The following PHACTR1 variants were observed in gnomAD, a reference collection of about 807,000 sequenced individuals.
PHACTR1 encodes phosphatase and actin regulator 1.
Under a neutral mutation model 69.2 loss-of-function variants are expected in PHACTR1, and 16 were observed. The ratio of observed to expected loss-of-function variants is 0.23; its 90% CI spans 0.16 to 0.35. PHACTR1 has a LOEUF of 0.35. PHACTR1 is among the 10% of genes least tolerant of loss of function. The pLI, the probability that PHACTR1 is intolerant of heterozygous loss-of-function variation, is 1.00. For missense variants in PHACTR1, 510 were observed against 734.7 expected (o/e 0.69, Z 3.54); for synonymous variants, 312 against 284.5 (o/e 1.10, Z -0.97).
At chr6:12,862,659 C>T (rs1319520015) in intron 4 of PHACTR1, among the ~76,000 whole-genome samples, 5 of 152,080 alleles carry the variant, frequency 3.3e-5, no homozygotes, top group African/African-American at 9.7e-5. Flanking sequence ...GATCATGATG[C>T]ACCATGCTAT....
chr6:12,737,344 A>C (rs910842659), intron 3 of PHACTR1, among the ~76,000 whole-genome samples: 1 of 152,104 alleles, frequency 6.6e-6, no homozygotes, highest in African/African-American at 2.4e-5. Flanking sequence ...ATCATTGACC[A>C]AAATGCCATT....
intron 5 of PHACTR1, among the ~76,000 whole-genome samples, chr6:13,104,392 A>C (rs542825222): frequency 3.9e-5 from 6 of 152,346 alleles, no homozygotes; most frequent in African/African-American, 1.4e-4. Context: ...ACACATGGTG[A>C]CTGAACAGGA....
chr6:13,252,212 C>CAAA (rs537782699), intron 10 of PHACTR1, among the ~76,000 whole-genome samples: 10 of 73,750 alleles, frequency 1.4e-4, no homozygotes, highest in African/African-American at 5.0e-4. Flanking sequence ...CCTGCCTTTA[C>CAAA]AAAAAAAAAA....
chr6:13,229,293 C>T lies in PHACTR1; in HGVS notation c.1235-744C>T, dbSNP rs572917614. On this transcript the variant is annotated intron_variant, in intron 9 of 14. Coordinates refer to ENST00000332995, the MANE Select transcript of PHACTR1 (RefSeq NM_030948.6). ...TGCCAGTAGCACCCTCTGCCTGCCA[C>T]CTTAGTTTTGACAACCAAAAAATGC... Among the ~76,000 whole-genome samples, 4 of 152,272 alleles carry T rather than the reference C, an allele frequency of 2.6e-5. No homozygotes were observed. The East Asian group carries it at 5.8e-4, about 22-fold the overall frequency.
At chr6:13,142,016 G>A (rs1455569855) in intron 5 of PHACTR1, among the ~76,000 whole-genome samples, 4 of 152,056 alleles carry the variant, frequency 2.6e-5, no homozygotes, top group Non-Finnish European at 5.9e-5. Flanking sequence ...GCCATGCAAG[G>A]GGAGAGGGCT....
intron 10 of PHACTR1, among the ~76,000 whole-genome samples, chr6:13,248,374 C>A (rs1312053585): frequency 6.6e-6 from 1 of 152,220 alleles, no homozygotes. Context: ...ACGTCAGCTG[C>A]AGGCTACCTA....
chr6:13,233,202 A>G (rs73725632), intron 10 of PHACTR1, among the ~76,000 whole-genome samples: 4,804 of 152,306 alleles, frequency 0.032, 233 homozygotes, highest in African/African-American at 0.11. Flanking sequence ...AGCCACCACC[A>G]TGATTAGCTA....
intron 6 of PHACTR1, among the ~76,000 whole-genome samples, chr6:13,180,661 G>A (rs1269996438): frequency 6.6e-6 from 1 of 152,168 alleles, no homozygotes; most frequent in Non-Finnish European, 1.5e-5. Flanking sequence ...GAATCAAAGC[G>A]GTTTCCTAGA....
At chr6:12,780,472 A>G (rs1166687036) in intron 4 of PHACTR1, among the ~76,000 whole-genome samples, 1 of 152,224 alleles carries the variant, frequency 6.6e-6, no homozygotes, top group Non-Finnish European at 1.5e-5. Flanking sequence ...AAAATTATGC[A>G]GAGGCAATTT....
At chr6:13,257,049 AT>A (rs1266643155) in intron 10 of PHACTR1, among the ~76,000 whole-genome samples, 5 of 152,202 alleles carry the variant, frequency 3.3e-5, no homozygotes, top group Non-Finnish European at 7.3e-5. Context: ...AAGAAAAGAG[AT>A]TGAATTGGCT....
intron 5 of PHACTR1, among the ~76,000 whole-genome samples, chr6:13,088,807 G>T (rs2127820824): frequency 6.6e-6 from 1 of 152,244 alleles, no homozygotes. Flanking sequence ...ACCCTTGTCT[G>T]CAGGAAAACA....
intron 4 of PHACTR1, among the ~76,000 whole-genome samples, chr6:12,970,423 G>A (rs1218431125): frequency 2.0e-5 from 3 of 152,138 alleles, no homozygotes; most frequent in Non-Finnish European, 4.4e-5. Context: ...AAACCCAAAG[G>A]GAGAAGACTT....
At chr6:12,968,931 G>T (rs1380952515) in intron 4 of PHACTR1, among the ~76,000 whole-genome samples, 5 of 152,128 alleles carry the variant, frequency 3.3e-5, no homozygotes, top group African/African-American at 4.8e-5. Context: ...AAATGCATTA[G>T]AATCTCCCGG....
In PHACTR1 at chr6:12,931,901, T is replaced by C. The variant is rs1371192340; in HGVS notation, c.251-121464T>C. 2.6e-5 allele frequency among the ~76,000 whole-genome samples: 4 copies of C among 151,836 alleles called. No homozygotes were observed. The East Asian group carries it at 7.7e-4, about 29-fold the overall frequency. On this transcript the variant is annotated intron_variant, in intron 4 of 14. Transcript: ENST00000332995. Reference sequence around the variant, plus strand: ...CCTTGGTACTCAGATTTCACTCAGATAGTAAGAGTCTTCCACTCTCAGCAT... The same window carrying C: ...CCTTGGTACTCAGATTTCACTCAGACAGTAAGAGTCTTCCACTCTCAGCAT...
At chr6:12,856,108 T>C (rs959397352) in intron 4 of PHACTR1, among the ~76,000 whole-genome samples, 3 of 152,194 alleles carry the variant, frequency 2.0e-5, no homozygotes, top group Admixed American at 2.0e-4. Flanking sequence ...TCAGTGAATC[T>C]AAATTCAACT....
At chr6:12,946,374 C>T (rs916902988) in intron 4 of PHACTR1, among the ~76,000 whole-genome samples, 2 of 152,060 alleles carry the variant, frequency 1.3e-5, no homozygotes, top group Non-Finnish European at 2.9e-5. Flanking sequence ...ATGTACTAAC[C>T]TGGTTTTAGG....
At chr6:13,182,101 C>T (rs1473046445) in intron 6 of PHACTR1, among the ~76,000 whole-genome samples, 2 of 152,028 alleles carry the variant, frequency 1.3e-5, no homozygotes, top group Non-Finnish European at 2.9e-5. Flanking sequence ...GGTGTGGTGG[C>T]ACGTGCCTGT....
At chr6:13,276,682 G>A (rs977957641) in intron 11 of PHACTR1, among the ~76,000 whole-genome samples, 5 of 152,150 alleles carry the variant, frequency 3.3e-5, no homozygotes, top group African/African-American at 1.2e-4. Flanking sequence ...TGAGGCAGGA[G>A]AATCGCTTGA....
intron 4 of PHACTR1, among the ~76,000 whole-genome samples, chr6:12,895,983 C>A (rs1379500709): frequency 3.3e-5 from 5 of 152,316 alleles, no homozygotes; most frequent in African/African-American, 1.2e-4. Context: ...TGAGTGTGTG[C>A]AGCTCAAGAT....
Sources: gnomAD v4.1 joint callset for allele counts (sites outside exome capture counted in the v4.1 genomes callset) on GRCh38, gnomAD v4.1.1 for gene constraint, MANE v1.5 for transcripts, NCBI Gene and HGNC (gene_info 2026-07-23, HGNC 2026-07-21) for gene names.